Variants in TTC27 observed in about 807,000 individuals in gnomAD.
The protein encoded by TTC27 is tetratricopeptide repeat domain 27, also known as tetratricopeptide repeat protein 27.
A neutral mutation model predicts 115.9 loss-of-function variants in TTC27; 79 were observed. The observed-to-expected ratio is 0.68, with a 90% CI of 0.57 to 0.82. The LOEUF (loss-of-function observed/expected upper bound fraction) is 0.82, where lower values mean the gene tolerates loss of function less well. TTC27 is among the 40% of genes least tolerant of loss of function. The pLI is 0.00. For missense variants in TTC27, 1,054 were observed against 993.1 expected (o/e 1.06, Z -0.82); for synonymous variants, 401 against 356.0 (o/e 1.13, Z -1.42).
chr2:32,706,571 T>G (rs1667375561), intron 10 of TTC27, among the ~76,000 whole-genome samples: 1 of 152,120 alleles, frequency 6.6e-6, no homozygotes, highest in South Asian at 2.1e-4. Context: ...CTCCCTCGCC[T>G]TTTTGTTTTT....
At chr2:32,635,789 G>A (rs1664401255) in intron 3 of TTC27, among the ~76,000 whole-genome samples, 1 of 152,072 alleles carries the variant, frequency 6.6e-6, no homozygotes, top group African/African-American at 2.4e-5. Context: ...GAGAAGAAGT[G>A]CAAAAACAAG....
chr2:32,657,353 CTTTT>C (rs988569906), intron 5 of TTC27, among the ~76,000 whole-genome samples: 2 of 128,318 alleles, frequency 1.6e-5, no homozygotes, highest in Non-Finnish European at 1.7e-5. Flanking sequence ...CACTGTCTTT[CTTTT>C]TTTTTTTTTT....
At chr2:32,789,921 CAAAA>C (rs34859954) in intron 16 of TTC27, among the ~76,000 whole-genome samples, 1 of 25,938 alleles carries the variant, frequency 3.9e-5, no homozygotes, top group South Asian at 2.1e-3. Context: ...ACCCTGTCTC[CAAAA>C]AAAAAAAAAA....
At chr2:32,820,013 A>C (rs1199226719) in intron 19 of TTC27, among the ~76,000 whole-genome samples, 5 of 152,238 alleles carry the variant, frequency 3.3e-5, no homozygotes, top group Admixed American at 6.5e-5. Flanking sequence ...TGCTGATGAC[A>C]TTGGAGCAGT....
chr2:32,716,678 A>G (rs1667761962), intron 10 of TTC27, among the ~76,000 whole-genome samples: 2 of 151,478 alleles, frequency 1.3e-5, no homozygotes, highest in Admixed American at 6.6e-5. Flanking sequence ...TTTATCATGT[A>G]TGTTTGTTCT....
chr2:32,705,029 C>T, intron 10 of TTC27: 1 of 423,068 alleles, frequency 2.4e-6, no homozygotes, highest in Non-Finnish European at 4.9e-6. Flanking sequence ...CCCTCCGTAT[C>T]TCTTGTTGAA....
chr2:32,807,807 C>T (rs534367239), intron 16 of TTC27, among the ~76,000 whole-genome samples: 2 of 152,218 alleles, frequency 1.3e-5, no homozygotes, highest in Non-Finnish European at 2.9e-5. Context: ...ATCTTCCATT[C>T]CTGATCCTTT....
chr2:32,791,976 T>C (rs1459815693), intron 16 of TTC27, among the ~76,000 whole-genome samples: 1 of 152,230 alleles, frequency 6.6e-6, no homozygotes, highest in Admixed American at 6.5e-5. Flanking sequence ...TTATGGAACA[T>C]TTTCATTACT....
At chr2:32,763,308 G>A (rs772084789) in intron 13 of TTC27, among the ~76,000 whole-genome samples, 3 of 152,132 alleles carry the variant, frequency 2.0e-5, no homozygotes, top group Non-Finnish European at 4.4e-5. Context: ...GAGGGAGAAC[G>A]CCTATATGCT....
At chr2:32,649,894 A>G (rs545967256) in intron 4 of TTC27, among the ~76,000 whole-genome samples, 1 of 152,012 alleles carries the variant, frequency 6.6e-6, no homozygotes, top group African/African-American at 2.4e-5. Context: ...GGCATAAGGA[A>G]GTCCAAGTGG....
Position 32,686,548 on chromosome 2 carries a change from A to G in TTC27, c.1119+7626A>G, listed in dbSNP as rs527852017. On this transcript the variant is annotated intron_variant, in intron 9 of 19. Coordinates refer to ENST00000317907, the MANE Select transcript of TTC27 (RefSeq NM_017735.5). ...CTGATTTTTTTGTGTTTGGGTAGAGACAGAGTTTTACCATATTGCTCAGGG... is the reference window on the plus strand; with the variant it reads ...CTGATTTTTTTGTGTTTGGGTAGAGGCAGAGTTTTACCATATTGCTCAGGG... 3.9e-5 allele frequency among the ~76,000 whole-genome samples: 6 copies of G among 152,038 alleles called. No homozygotes were observed. In the South Asian group the frequency reaches 1.3e-3, roughly 32 times the overall value.
intron 6 of TTC27, among the ~76,000 whole-genome samples, chr2:32,665,139 G>A (rs945774507): frequency 1.3e-5 from 2 of 151,978 alleles, no homozygotes; most frequent in Non-Finnish European, 2.9e-5. Flanking sequence ...GAGCCACCAC[G>A]CCCAGCCCAC....
At chr2:32,734,715 G>T (rs1668396615) in intron 11 of TTC27, among the ~76,000 whole-genome samples, 1 of 152,048 alleles carries the variant, frequency 6.6e-6, no homozygotes, top group Non-Finnish European at 1.5e-5. Context: ...GGTGCAATTA[G>T]TTTTCTGGTG....
Position 32,640,320 on chromosome 2 carries a change from A to C in TTC27, c.447A>C (p.Glu149Asp). 1 of 1,614,106 alleles carries C rather than the reference A, an allele frequency of 6.2e-7. No homozygotes were observed. Among genetic ancestry groups the C allele is most frequent in the African/African-American group, 1.3e-5 (1 of 75,068 alleles). Residue 149 changes from glutamate (E) to aspartate (D), a missense_variant, in exon 4 of 20, where the codon GAA (glutamate) becomes GAC (aspartate). Glu to Asp is a conservative substitution (Grantham distance 45). Coordinates refer to ENST00000317907, the MANE Select transcript of TTC27 (RefSeq NM_017735.5). ...FVLSLLTLDG[E>D]SIYSLTSKPI... ...TGAGCCTGCTCACTCTAGATGGTGA[A>C]TCAATCTACAGCCTGACCTCGAAGC...
At chr2:32,774,462 A>G (rs748467229) in intron 13 of TTC27, among the ~76,000 whole-genome samples, 36 of 152,230 alleles carry the variant, frequency 2.4e-4, no homozygotes, top group Non-Finnish European at 4.1e-4. Flanking sequence ...GGCATGGACC[A>G]CCTTCCTTTG....
intron 4 of TTC27, among the ~76,000 whole-genome samples, chr2:32,642,135 G>A (rs1283074184): frequency 2.0e-5 from 3 of 152,084 alleles, no homozygotes; most frequent in Non-Finnish European, 4.4e-5. Flanking sequence ...GGGATTACAG[G>A]TGTGAGCCAC....
chr2:32,673,606 T>A (rs1052574316), intron 8 of TTC27, among the ~76,000 whole-genome samples: 5 of 152,194 alleles, frequency 3.3e-5, no homozygotes, highest in African/African-American at 1.2e-4. Flanking sequence ...AGAATATGAT[T>A]TGGGTTTGCC....
chr2:32,709,665 C>G (rs1471724875), intron 10 of TTC27, among the ~76,000 whole-genome samples: 1 of 148,362 alleles, frequency 6.7e-6, no homozygotes. Flanking sequence ...CTTCTCTTCC[C>G]TATCACTGGA....
At chr2:32,661,611 T>C (rs1216673239) in intron 5 of TTC27, among the ~76,000 whole-genome samples, 1 of 152,252 alleles carries the variant, frequency 6.6e-6, no homozygotes, top group Non-Finnish European at 1.5e-5. Context: ...TTTTGTAGAT[T>C]GATTTTGTAT....
Sources: gnomAD v4.1 joint callset for allele counts (sites outside exome capture counted in the v4.1 genomes callset) on GRCh38, gnomAD v4.1.1 for gene constraint, MANE v1.5 for transcripts, NCBI Gene and HGNC (gene_info 2026-07-23, HGNC 2026-07-21) for gene names.